Variants in NRCAM observed in about 807,000 individuals in gnomAD.
NRCAM encodes neuronal cell adhesion molecule.
A neutral mutation model predicts 156.5 loss-of-function variants in NRCAM; 83 were observed. The observed-to-expected ratio is 0.53, with a 90% CI of 0.44 to 0.64. The LOEUF (loss-of-function observed/expected upper bound fraction) is 0.64, where lower values mean the gene tolerates loss of function less well. NRCAM is among the 30% of genes least tolerant of loss of function. The probability of loss-of-function intolerance (pLI) is 0.00; values close to 1 mark genes in which losing one functional copy is unlikely to be tolerated. For missense variants in NRCAM, 1,417 were observed against 1,597.3 expected, an observed-to-expected ratio of 0.89 and a Z score of 1.92; for synonymous variants, 538 against 563.9, an observed-to-expected ratio of 0.95 and a Z score of 0.65.
At chr7:108,372,369 AACAAC>A (rs2099633842) in intron 2 of NRCAM, among the ~76,000 whole-genome samples, 1 of 288 alleles carries the variant, frequency 3.5e-3, no homozygotes, top group Non-Finnish European at 8.5e-3. Flanking sequence ...AAACAACAAC[AACAAC>A]AAAAAATCTG....
At chr7:108,318,085 G>A (rs1249634637) in intron 2 of NRCAM, among the ~76,000 whole-genome samples, 3 of 108,260 alleles carry the variant, frequency 2.8e-5, no homozygotes, top group South Asian at 3.4e-4. Context: ...TCACTCTGTC[G>A]CCCAGACTGG....
intron 1 of NRCAM, among the ~76,000 whole-genome samples, chr7:108,420,321 T>C (rs948390058): frequency 6.6e-6 from 1 of 152,174 alleles, no homozygotes; most frequent in Non-Finnish European, 1.5e-5. Context: ...GTCTCTTTTA[T>C]GCATTTTGAC....
At chr7:108,368,256 G>A (rs2099606343) in intron 2 of NRCAM, among the ~76,000 whole-genome samples, 1 of 38,316 alleles carries the variant, frequency 2.6e-5, no homozygotes, top group Admixed American at 3.7e-4. Flanking sequence ...GCTCACTACT[G>A]CTGAATACAT....
intron 30 of NRCAM, among the ~76,000 whole-genome samples, 161 bp from the exon 31 acceptor site, chr7:108,160,653 A>G (rs2048363216): frequency 6.6e-6 from 1 of 152,248 alleles, no homozygotes; most frequent in South Asian, 2.1e-4. Context: ...AATTATATGA[A>G]TAATTAACTT....
At chr7:108,384,163 G>A (rs2099723971) in intron 2 of NRCAM, among the ~76,000 whole-genome samples, 1 of 152,068 alleles carries the variant, frequency 6.6e-6, no homozygotes, top group South Asian at 2.1e-4. Flanking sequence ...ATACCTGGGT[G>A]ATGAAATAAT....
At chr7:108,175,467 G>T (rs1480425292) in intron 27 of NRCAM, 110 bp from the exon 28 acceptor site, 11 of 965,444 alleles carry the variant, frequency 1.1e-5, no homozygotes, top group African/African-American at 6.7e-5. Context: ...CATGCAAGAA[G>T]AATGAAGTGT....
At chr7:108,182,647 T>A in intron 23 of NRCAM, 48 bp downstream of exon 23, 8 of 1,566,970 alleles carry the variant, frequency 5.1e-6, no homozygotes, top group Non-Finnish European at 7.0e-6. Context: ...GGCTTGCACC[T>A]TGGTAAGTCT....
Position 108,149,453 on chromosome 7 carries a change from T to C in NRCAM, c.*457A>G, listed in dbSNP as rs533641424. ...TTTCACAACAATGTCCACAAAGACA[T>C]TGAAGTTCTAGAGAATACTACAGTA... On this transcript the variant is annotated 3_prime_UTR_variant, in exon 33 of 33. Transcript: ENST00000379028. The C allele has an allele frequency of 4.6e-4, 75 of 162,576 alleles. No individual in the cohort carries two copies. Among genetic ancestry groups the C allele is most frequent in the African/African-American group, 1.3e-3 (54 of 41,646 alleles). 10.1% of individuals were successfully genotyped at this position (162,576 alleles called of 1,614,324 possible).
At chr7:108,288,337 A>G (rs567522146) in intron 3 of NRCAM, among the ~76,000 whole-genome samples, 7 of 152,136 alleles carry the variant, frequency 4.6e-5, no homozygotes, top group Non-Finnish European at 1.0e-4. Context: ...AGACTTTACC[A>G]CTATGCAATA....
chr7:108,186,172 G>T (rs2066677138), intron 20 of NRCAM, among the ~76,000 whole-genome samples: 1 of 152,216 alleles, frequency 6.6e-6, no homozygotes, highest in Non-Finnish European at 1.5e-5. Context: ...ATGTCTTGCA[G>T]TGGTTCAAAA....
At chr7:108,215,388 AT>A (rs1308291236) in intron 11 of NRCAM, among the ~76,000 whole-genome samples, 1 of 150,638 alleles carries the variant, frequency 6.6e-6, no homozygotes, top group Non-Finnish European at 1.5e-5. Context: ...AATTTTTTGT[AT>A]TTTTTTTAGT....
chr7:108,336,320 GCACCCAGAAGAATGGA>G lies in NRCAM; in HGVS notation c.-173-23605_-173-23590del, dbSNP rs536571867. Among the ~76,000 whole-genome samples the G allele has an allele frequency of 1.8e-4, 28 of 152,246 alleles. No individual in the cohort carries two copies. The South Asian group carries it at 5.2e-3, about 28-fold the overall frequency. ...TCGGTATGTTTGCATCCATTTGTAT[GCACCCAGAAGAATGGA>G]CGCAGTGTTTACAAAAATAAAATGA... On this transcript the variant is annotated intron_variant, in intron 2 of 32. Coordinates refer to ENST00000379028, the MANE Select transcript of NRCAM (RefSeq NM_001037132.4).
At chr7:108,177,939 TAAATA>T (rs1563275357) in intron 26 of NRCAM, 46 bp downstream of exon 26, 50 of 1,520,308 alleles carry the variant, frequency 3.3e-5, no homozygotes, top group Non-Finnish European at 4.3e-5. Flanking sequence ...ATTAAAATAA[TAAATA>T]AAATAAAAAA....
intron 10 of NRCAM, among the ~76,000 whole-genome samples, chr7:108,224,708 C>G (rs1467846623): frequency 1.3e-5 from 2 of 151,998 alleles, no homozygotes; most frequent in Non-Finnish European, 2.9e-5. Flanking sequence ...ATTCTCATTT[C>G]TCAGAAGAAA....
chr7:108,197,497 C>G (rs2075777718), intron 14 of NRCAM, among the ~76,000 whole-genome samples: 1 of 152,128 alleles, frequency 6.6e-6, no homozygotes, highest in African/African-American at 2.4e-5. Flanking sequence ...CAGTATATCA[C>G]ACTTTTTAAA....
intron 3 of NRCAM, among the ~76,000 whole-genome samples, chr7:108,255,267 C>T (rs1289182813): frequency 1.3e-5 from 2 of 151,300 alleles, no homozygotes; most frequent in Non-Finnish European, 2.9e-5. Flanking sequence ...AAACTCCCTG[C>T]CTGATTCTCC....
chr7:108,417,715 CTTTCT>C (rs142843139), intron 1 of NRCAM, among the ~76,000 whole-genome samples: 2,529 of 152,188 alleles, frequency 0.017, 40 homozygotes, highest in Admixed American at 0.048. Flanking sequence ...GCAGATGGCT[CTTTCT>C]TTTCTTTTCT....
At chr7:108,159,662 G>T in intron 31 of NRCAM, 121 bp from the exon 32 acceptor site, 1 of 717,252 alleles carries the variant, frequency 1.4e-6, no homozygotes, top group Non-Finnish European at 2.4e-6. Flanking sequence ...AGTAGATGTT[G>T]TATAACCATA....
chr7:108,357,334 CTT>C (rs35117899), intron 2 of NRCAM, among the ~76,000 whole-genome samples: 16 of 141,530 alleles, frequency 1.1e-4, no homozygotes, highest in Admixed American at 2.1e-4. Context: ...GTGGGGCCAA[CTT>C]TTTTTTTTTT....
Sources: gnomAD v4.1 joint callset for allele counts (sites outside exome capture counted in the v4.1 genomes callset) on GRCh38, gnomAD v4.1.1 for gene constraint, MANE v1.5 for transcripts, NCBI Gene and HGNC (gene_info 2026-07-23, HGNC 2026-07-21) for gene names.